The following CFAP54 variants were observed in gnomAD, a reference collection of about 807,000 sequenced individuals.
CFAP54 encodes the protein cilia- and flagella-associated protein 54.
Under a neutral mutation model 370.4 loss-of-function variants are expected in CFAP54, and 290 were observed. The observed-to-expected ratio is 0.78, with a 90% CI of 0.71 to 0.86. The LOEUF is 0.86. CFAP54 is among the 40% of genes least tolerant of loss of function. The probability of loss-of-function intolerance (pLI) is 0.00; values close to 1 mark genes in which losing one functional copy is unlikely to be tolerated. For synonymous variants in CFAP54, 1,206 were observed against 1,236.5 expected, an observed-to-expected ratio of 0.98 and a Z score of 0.52; for missense variants, 3,399 against 3,528.7, an observed-to-expected ratio of 0.96 and a Z score of 0.93.
intron 67 of CFAP54, among the ~76,000 whole-genome samples, chr12:96,866,912 A>T (rs531029375): frequency 1.2e-4 from 19 of 152,340 alleles, no homozygotes; most frequent in African/African-American, 3.6e-4. Context: ...AACTGTTTAT[A>T]TTCCCTAAGT....
At chr12:96,578,742 A>C (rs1170627296) in intron 20 of CFAP54, among the ~76,000 whole-genome samples, 1 of 152,166 alleles carries the variant, frequency 6.6e-6, no homozygotes, top group Non-Finnish European at 1.5e-5. Flanking sequence ...TATGGGCTTA[A>C]ATAAGTTTTC....
chr12:96,546,303 C>T (rs921883586), intron 14 of CFAP54, among the ~76,000 whole-genome samples: 1 of 152,216 alleles, frequency 6.6e-6, no homozygotes, highest in Non-Finnish European at 1.5e-5. Flanking sequence ...CCACTCCACA[C>T]TTAGTCACAG....
intron 63 of CFAP54, among the ~76,000 whole-genome samples, chr12:96,810,604 C>G (rs1443748039): frequency 6.6e-6 from 1 of 152,158 alleles, no homozygotes; most frequent in African/African-American, 2.4e-5. Context: ...CATACCGGAA[C>G]TGAATGGACC....
intron 60 of CFAP54, among the ~76,000 whole-genome samples, chr12:96,772,894 G>A (rs1179268992): frequency 6.6e-6 from 1 of 152,132 alleles, no homozygotes; most frequent in Non-Finnish European, 1.5e-5. Flanking sequence ...ACAGGCGTGA[G>A]CCACCATGCC....
At chr12:96,663,993 C>T in intron 39 of CFAP54, 61 bp downstream of exon 39, 2 of 1,239,658 alleles carry the variant, frequency 1.6e-6, no homozygotes, top group Non-Finnish European at 2.3e-6. Flanking sequence ...CCATTGTGTT[C>T]TGCATGTCAA....
chr12:96,757,666 T>C (rs1049423633), intron 58 of CFAP54, 78 bp downstream of exon 58: 3 of 706,318 alleles, frequency 4.2e-6, no homozygotes, highest in Admixed American at 2.9e-5. Context: ...GCTATTGAAA[T>C]AATGAGGCTG....
intron 67 of CFAP54, among the ~76,000 whole-genome samples, chr12:96,873,460 T>C (rs533574240): frequency 1.2e-4 from 19 of 152,348 alleles, no homozygotes; most frequent in African/African-American, 4.3e-4. Flanking sequence ...CAGAGGTTCA[T>C]GATTCACATC....
In CFAP54 at chr12:96,691,166, A is replaced by C. The variant is rs1478492392; in HGVS notation, c.6120A>C (p.Glu2040Asp). ...LRTTLPHPKA[E>D]RCYAQYEITQ... Reference sequence around the variant, plus strand: ...CAACACTTCCACATCCCAAAGCTGAACGTTGCTATGCTCAATATGAAATCA... The same window carrying C: ...CAACACTTCCACATCCCAAAGCTGACCGTTGCTATGCTCAATATGAAATCA... Residue 2040 changes from glutamate (E) to aspartate (D), a missense_variant, in exon 44 of 68, where the codon GAA (glutamate) becomes GAC (aspartate). Physicochemically the swap from Glu to Asp is conservative, Grantham distance 45. Coordinates refer to ENST00000524981, the MANE Select transcript of CFAP54 (RefSeq NM_001306084.2). 6.2e-7 allele frequency: 1 copy of C among 1,613,648 alleles called. No homozygotes were observed. The highest frequency in any genetic ancestry group is 2.2e-5 in the East Asian group (1 of 44,822).
intron 26 of CFAP54, among the ~76,000 whole-genome samples, chr12:96,613,607 T>G (rs940139232): frequency 4.6e-5 from 7 of 151,860 alleles, no homozygotes; most frequent in African/African-American, 1.5e-4. Context: ...ACCAACAAAA[T>G]TGATAGACCA....
chr12:96,681,752 G>A (rs1240893177), intron 40 of CFAP54, among the ~76,000 whole-genome samples: 3 of 152,004 alleles, frequency 2.0e-5, no homozygotes, highest in African/African-American at 7.3e-5. Context: ...ATAGACATGC[G>A]CCACCACGCC....
At chr12:96,513,730 A>C (rs1235645303) in intron 5 of CFAP54, among the ~76,000 whole-genome samples, 2 of 152,134 alleles carry the variant, frequency 1.3e-5, no homozygotes. Context: ...GTGACAGAGC[A>C]AGACTGTGTC....
At chr12:96,857,169 C>A (rs889418826) in intron 66 of CFAP54, among the ~76,000 whole-genome samples, 1 of 152,296 alleles carries the variant, frequency 6.6e-6, no homozygotes, top group African/African-American at 2.4e-5. Context: ...CCACCGGGTC[C>A]CTCCCGTGAC....
chr12:96,713,907 G>A (rs538129811), intron 48 of CFAP54, among the ~76,000 whole-genome samples: 5 of 152,134 alleles, frequency 3.3e-5, no homozygotes, highest in Non-Finnish European at 7.4e-5. Flanking sequence ...GAAAGTTCCA[G>A]GAGAGGCTGT....
chr12:96,861,019 T>C, intron 67 of CFAP54, 67 bp downstream of exon 67: 1 of 1,180,164 alleles, frequency 8.5e-7, no homozygotes, highest in Non-Finnish European at 1.1e-6. Context: ...GGAACGGTCC[T>C]CTTATAACAA....
chr12:96,822,630 C>T (rs1472815646), intron 65 of CFAP54, among the ~76,000 whole-genome samples: 1 of 152,112 alleles, frequency 6.6e-6, no homozygotes, highest in Non-Finnish European at 1.5e-5. Flanking sequence ...TCCTAATGAG[C>T]CCAGCCACCC....
rs115432377 is a variant in CFAP54, at chr12:96,500,954, A to G, written c.423+15A>G. ...GTCAAATGAAAGTAAGTGCCTCTGCAGGAAAGAGCCAAAAAGAAGTTCATT... is the reference window on the plus strand; with the variant it reads ...GTCAAATGAAAGTAAGTGCCTCTGCGGGAAAGAGCCAAAAAGAAGTTCATT... On this transcript the variant is annotated intron_variant, in intron 2 of 67. Transcript: ENST00000524981. 3,696 of 1,468,298 alleles carry G rather than the reference A, an allele frequency of 2.5e-3. 96 individuals carry two copies. In the African/African-American group the frequency reaches 0.047, roughly 19 times the overall value. The allele number at this position is 1,468,298 out of a possible 1,614,324, so 91.0% of individuals were successfully genotyped here.
chr12:96,765,536 A>G (rs1454333984), intron 60 of CFAP54, among the ~76,000 whole-genome samples: 1 of 152,146 alleles, frequency 6.6e-6, no homozygotes, highest in African/African-American at 2.4e-5. Context: ...TGATCCTTTC[A>G]TCCAAAATCT....
chr12:96,677,374 A>G (rs1438260676), intron 39 of CFAP54, among the ~76,000 whole-genome samples: 1 of 152,176 alleles, frequency 6.6e-6, no homozygotes, highest in South Asian at 2.1e-4. Flanking sequence ...AGCAGTTTCA[A>G]CTGACTGAGA....
rs1257894661 is a variant in CFAP54, at chr12:96,533,798, A to C, written c.1364A>C (p.Asn455Thr). The C allele has an allele frequency of 6.6e-6, 10 of 1,511,952 alleles. No individual in the cohort carries two copies. Among genetic ancestry groups the C allele is most frequent in the Non-Finnish European group, 8.8e-6 (10 of 1,139,558 alleles). 93.7% of individuals were successfully genotyped at this position (1,511,952 alleles called of 1,614,324 possible). ...TCTCTTCTTCCTTTCCTAGTGTCAA[A>C]TATTGGTGCAGATGGAATGCTTGAT... ...MAGKELLIMSNIGADGMLDFP... is the reference protein window; with the variant it reads ...MAGKELLIMSTIGADGMLDFP... Residue 455 changes from asparagine to threonine, a missense_variant, in exon 10 of 68, where the codon AAT becomes ACT. By Grantham distance (65) the Asn-to-Thr change is moderately conservative. Transcript: ENST00000524981.
Sources: gnomAD v4.1 joint callset for allele counts (sites outside exome capture counted in the v4.1 genomes callset) on GRCh38, gnomAD v4.1.1 for gene constraint, MANE v1.5 for transcripts, NCBI Gene and HGNC (gene_info 2026-07-23, HGNC 2026-07-21) for gene names.